NALF1: variants seen among roughly 807,000 people sequenced by gnomAD.
The protein encoded by NALF1 is NALCN channel auxiliary factor 1.
In NALF1, 3 loss-of-function variants were observed where a neutral mutation model predicts 48.4. That is an observed-to-expected ratio of 0.06 (90% confidence interval 0.03 to 0.16). The LOEUF (loss-of-function observed/expected upper bound fraction) is 0.16. NALF1 is among the 10% of genes least tolerant of loss of function. The pLI, the probability that NALF1 is intolerant of heterozygous loss-of-function variation, is 1.00. For missense variants in NALF1, 526 were observed against 571.5 expected (o/e 0.92, Z 0.81); for synonymous variants, 262 against 245.7 (o/e 1.07, Z -0.62).
intron 1 of NALF1, among the ~76,000 whole-genome samples, chr13:107,694,472 G>A (rs140233440): frequency 6.6e-6 from 1 of 152,124 alleles, no homozygotes; most frequent in Non-Finnish European, 1.5e-5. Context: ...GCATAGGAAT[G>A]AATTATTGAA....
At chr13:107,374,794 G>T (rs1883307955) in intron 1 of NALF1, among the ~76,000 whole-genome samples, 1 of 152,038 alleles carries the variant, frequency 6.6e-6, no homozygotes, top group African/African-American at 2.4e-5. Context: ...GGCCCCTCTT[G>T]AACTCTCTCA....
intron 1 of NALF1, among the ~76,000 whole-genome samples, chr13:107,313,606 A>G (rs1882086585): frequency 1.3e-5 from 2 of 152,168 alleles, no homozygotes; most frequent in Non-Finnish European, 2.9e-5. Context: ...CAGAACTCAA[A>G]GTCATCCCTC....
chr13:107,262,999 T>C (rs992941092), intron 1 of NALF1, among the ~76,000 whole-genome samples: 6 of 152,054 alleles, frequency 3.9e-5, no homozygotes, highest in Non-Finnish European at 8.8e-5. Flanking sequence ...AAATGTTTAA[T>C]AGTAGGAGCA....
intron 1 of NALF1, among the ~76,000 whole-genome samples, chr13:107,221,180 TGTACACTACTCA>T (rs1879984379): frequency 6.6e-6 from 1 of 152,168 alleles, no homozygotes; most frequent in Admixed American, 6.5e-5. Flanking sequence ...TAGGGTACAA[TGTACACTACTCA>T]GGTGACCGGT....
intron 1 of NALF1, among the ~76,000 whole-genome samples, chr13:107,675,475 A>C (rs1881094499): frequency 6.6e-6 from 1 of 152,214 alleles, no homozygotes; most frequent in South Asian, 2.1e-4. Context: ...CATCTTCATC[A>C]TGTTGCATTA....
chr13:107,820,420 T>C (rs893884047), intron 1 of NALF1, among the ~76,000 whole-genome samples: 1 of 152,192 alleles, frequency 6.6e-6, no homozygotes, highest in African/African-American at 2.4e-5. Flanking sequence ...TGACATTTTC[T>C]TAGGATGAAG....
At chr13:107,478,196 A>G (rs1282666936) in intron 1 of NALF1, among the ~76,000 whole-genome samples, 1 of 152,142 alleles carries the variant, frequency 6.6e-6, no homozygotes, top group African/African-American at 2.4e-5. Flanking sequence ...ATGATCCTTC[A>G]GGGAGTTGGC....
intron 1 of NALF1, among the ~76,000 whole-genome samples, chr13:107,812,232 A>C (rs1879017525): frequency 6.6e-6 from 1 of 152,204 alleles, no homozygotes; most frequent in African/African-American, 2.4e-5. Flanking sequence ...CAAATATTAC[A>C]GTTTCATTTT....
intron 1 of NALF1, among the ~76,000 whole-genome samples, chr13:107,495,207 C>A (rs1293693686): frequency 6.6e-6 from 1 of 152,134 alleles, no homozygotes; most frequent in African/African-American, 2.4e-5. Flanking sequence ...TAGTGTAGAG[C>A]TGATTTCATC....
chr13:107,631,749 T>C (rs940220611), intron 1 of NALF1, among the ~76,000 whole-genome samples: 4 of 152,138 alleles, frequency 2.6e-5, no homozygotes, highest in Non-Finnish European at 4.4e-5. Flanking sequence ...ATATGCTTGC[T>C]GAAATCAAAT....
At chr13:107,595,391 T>C (rs1316562415) in intron 1 of NALF1, among the ~76,000 whole-genome samples, 2 of 152,106 alleles carry the variant, frequency 1.3e-5, no homozygotes, top group African/African-American at 4.8e-5. Context: ...ATATTAAAAT[T>C]GTTAAAAGAG....
chr13:107,319,539 C>T (rs1882214485), intron 1 of NALF1, among the ~76,000 whole-genome samples: 1 of 151,894 alleles, frequency 6.6e-6, no homozygotes. Flanking sequence ...GAAGAAAGTG[C>T]TTATGCTATT....
At chr13:107,692,555 T>G (rs554674035) in intron 1 of NALF1, among the ~76,000 whole-genome samples, 8 of 152,344 alleles carry the variant, frequency 5.3e-5, no homozygotes, top group African/African-American at 1.9e-4. Context: ...TGGCTATTTA[T>G]GGATTAACGT....
chr13:107,533,165 T>C (rs1876694577), intron 1 of NALF1, among the ~76,000 whole-genome samples: 1 of 152,098 alleles, frequency 6.6e-6, no homozygotes, highest in South Asian at 2.1e-4. Context: ...TTTGCCCCTT[T>C]CTTTTTTCTC....
intron 1 of NALF1, among the ~76,000 whole-genome samples, chr13:107,216,024 T>C (rs557238366): frequency 1.3e-5 from 2 of 152,222 alleles, no homozygotes; most frequent in South Asian, 2.1e-4. Flanking sequence ...ATATTAAAAA[T>C]GGTTGTCAGC....
At chr13:107,566,295 C>A (rs1158847861) in intron 1 of NALF1, among the ~76,000 whole-genome samples, 2 of 152,196 alleles carry the variant, frequency 1.3e-5, no homozygotes, top group Non-Finnish European at 2.9e-5. Flanking sequence ...CTTTCGCATG[C>A]TGCAGATTTG....
intron 1 of NALF1, among the ~76,000 whole-genome samples, chr13:107,323,508 A>AT (rs1367025826): frequency 1.3e-5 from 2 of 151,490 alleles, no homozygotes; most frequent in African/African-American, 2.4e-5. Flanking sequence ...TTTTTTCTCT[A>AT]TTTTTTTCTC....
chr13:107,850,217 G>A (rs1031003314), intron 1 of NALF1, among the ~76,000 whole-genome samples: 1 of 152,082 alleles, frequency 6.6e-6, no homozygotes, highest in East Asian at 1.9e-4. Flanking sequence ...CTACCTACCA[G>A]AGGAAGAAAT....
intron 1 of NALF1, among the ~76,000 whole-genome samples, chr13:107,470,331 G>A (rs190643266): frequency 3.9e-5 from 6 of 152,248 alleles, no homozygotes; most frequent in African/African-American, 1.4e-4. Context: ...AAAGTTCATG[G>A]TTGAACATTC....
Sources: allele counts gnomAD v4.1 joint callset (sites outside exome capture counted in the v4.1 genomes callset), GRCh38; gene constraint gnomAD v4.1.1; transcripts MANE v1.5; gene names NCBI Gene and HGNC (gene_info 2026-07-23, HGNC 2026-07-21).